Variants in RALGPS2 observed in about 807,000 individuals in gnomAD.
RALGPS2 encodes Ral GEF with PH domain and SH3 binding motif 2, also known as ras-specific guanine nucleotide-releasing factor RalGPS2.
In RALGPS2, 43 loss-of-function variants were observed where a neutral mutation model predicts 86.8. That is an observed-to-expected ratio of 0.50 (90% CI 0.39 to 0.64). The LOEUF is 0.64. Among genes scored for constraint, RALGPS2 ranks in the 30% least tolerant of loss-of-function variants. The probability of loss-of-function intolerance (pLI) is 0.00; values close to 1 mark genes in which losing one functional copy is unlikely to be tolerated. For missense variants in RALGPS2, 536 were observed against 694.6 expected (o/e 0.77, Z 2.57); for synonymous variants, 243 against 231.3 (o/e 1.05, Z -0.46).
intron 1 of RALGPS2, among the ~76,000 whole-genome samples, chr1:178,774,331 T>G (rs987182762): frequency 3.9e-5 from 6 of 152,204 alleles, no homozygotes; most frequent in African/African-American, 1.4e-4. Context: ...TTTACAAATA[T>G]TTTAATATTG....
At chr1:178,853,787 C>A in intron 8 of RALGPS2, 1 of 1,559,582 alleles carries the variant, frequency 6.4e-7, no homozygotes, top group East Asian at 2.3e-5. Context: ...TTTGAATGGT[C>A]CTATAATTTA....
intron 8 of RALGPS2, among the ~76,000 whole-genome samples, chr1:178,861,900 TCTCA>T (rs1252772308): frequency 6.6e-6 from 1 of 152,132 alleles, no homozygotes; most frequent in East Asian, 1.9e-4. Context: ...GTTGTTTGAG[TCTCA>T]CTCTGTTGCC....
rs943354795 is a variant in RALGPS2, at chr1:178,844,652, T to C, written c.607+11102T>C. 8.5e-5 allele frequency among the ~76,000 whole-genome samples: 13 copies of C among 152,190 alleles called. 1 individual carries two copies. The highest frequency in any genetic ancestry group is 8.5e-4 in the Admixed American group (13 of 15,274). Reference sequence around the variant, plus strand: ...AATTGCTTTATAAGAGAATTATTGCTTTTAAATCTGAAAGTCATTAACAAC... The same window carrying C: ...AATTGCTTTATAAGAGAATTATTGCCTTTAAATCTGAAAGTCATTAACAAC... On this transcript the variant is annotated intron_variant, in intron 8 of 19. Coordinates refer to ENST00000367635, the MANE Select transcript of RALGPS2 (RefSeq NM_152663.5).
chr1:178,787,170 A>C (rs1653695915), intron 4 of RALGPS2, among the ~76,000 whole-genome samples: 1 of 152,128 alleles, frequency 6.6e-6, no homozygotes, highest in Non-Finnish European at 1.5e-5. Flanking sequence ...AAATCAAAAA[A>C]ATGAAATTCT....
intron 8 of RALGPS2, among the ~76,000 whole-genome samples, chr1:178,845,541 T>C (rs1261289416): frequency 1.3e-5 from 2 of 152,208 alleles, no homozygotes; most frequent in East Asian, 3.8e-4. Flanking sequence ...AGTAGTCATA[T>C]AATAAATGTT....
At chr1:178,747,039 G>A (rs937044503) in intron 1 of RALGPS2, 3 of 880,440 alleles carry the variant, frequency 3.4e-6, no homozygotes, top group African/African-American at 1.6e-5. Flanking sequence ...TTATAGCCAT[G>A]TATGAGAATC....
chr1:178,780,717 G>T (rs1653350027), intron 2 of RALGPS2, among the ~76,000 whole-genome samples: 1 of 152,024 alleles, frequency 6.6e-6, no homozygotes, highest in African/African-American at 2.4e-5. Context: ...TTTCTAGCTG[G>T]AATTTTTCTT....
intron 4 of RALGPS2, among the ~76,000 whole-genome samples, chr1:178,807,656 TTGAC>T (rs1469030270): frequency 2.0e-5 from 3 of 152,192 alleles, no homozygotes; most frequent in South Asian, 2.1e-4. Context: ...TTTGGGGTAA[TTGAC>T]TGTTAGCTCA....
At chr1:178,775,091 T>G (rs1430625979) in intron 1 of RALGPS2, among the ~76,000 whole-genome samples, 6 of 152,206 alleles carry the variant, frequency 3.9e-5, no homozygotes, top group African/African-American at 1.4e-4. Context: ...GATAGTAACA[T>G]CTGCATCATC....
chr1:178,765,122 C>T (rs774431599), intron 1 of RALGPS2, among the ~76,000 whole-genome samples: 1 of 151,970 alleles, frequency 6.6e-6, no homozygotes, highest in Admixed American at 6.6e-5. Context: ...GCCGATTAAA[C>T]CACTTTTCTT....
rs577243093 is a variant in RALGPS2, at chr1:178,843,589, C to T, written c.607+10039C>T. ...TAGTGGGTGCAGTGCACCAACATGG[C>T]GCATGTATACATATGTAACAAACCT... is the stretch of plus-strand genomic sequence containing the variant. On this transcript the variant is annotated intron_variant, in intron 8 of 19. Transcript: ENST00000367635. Among the ~76,000 whole-genome samples the T allele has an allele frequency of 1.0e-4, 15 of 147,134 alleles. No homozygotes were observed. The South Asian group carries it at 3.0e-3, about 30-fold the overall frequency.
intron 8 of RALGPS2, chr1:178,871,199 AATAGGGG>A (rs1658735989): frequency 6.6e-6 from 1 of 151,908 alleles, no homozygotes; most frequent in Non-Finnish European, 1.5e-5. Flanking sequence ...TGTAGCCTTA[AATAGGGG>A]GGTGGGATCA....
At chr1:178,903,973 G>A (rs1660286591) in intron 18 of RALGPS2, among the ~76,000 whole-genome samples, 1 of 152,152 alleles carries the variant, frequency 6.6e-6, no homozygotes, top group Non-Finnish European at 1.5e-5. Flanking sequence ...CACCAGCAGT[G>A]TAGAAGTGTT....
At chr1:178,851,195 C>G in intron 8 of RALGPS2, 1 of 1,613,948 alleles carries the variant, frequency 6.2e-7, no homozygotes, top group Non-Finnish European at 8.5e-7. Flanking sequence ...TGTATTCGGC[C>G]CAGAAAATTC....
chr1:178,879,936 T>C (rs941015908), intron 10 of RALGPS2: 2 of 152,196 alleles, frequency 1.3e-5, no homozygotes, highest in Non-Finnish European at 2.9e-5. Flanking sequence ...TGATACAGTT[T>C]ACATCAAAAC....
chr1:178,803,208 TG>T (rs1409686697), intron 4 of RALGPS2, among the ~76,000 whole-genome samples: 2 of 152,172 alleles, frequency 1.3e-5, no homozygotes, highest in African/African-American at 4.8e-5. Context: ...TAATCAGAAA[TG>T]TCAGAAGAGG....
chr1:178,742,117 A>G (rs1225071165), intron 1 of RALGPS2, among the ~76,000 whole-genome samples: 1 of 148,842 alleles, frequency 6.7e-6, no homozygotes, highest in Non-Finnish European at 1.5e-5. Flanking sequence ...GCCTGGCAAC[A>G]GAGCAAGATT....
intron 1 of RALGPS2, among the ~76,000 whole-genome samples, chr1:178,771,040 T>C (rs1292357767): frequency 6.6e-6 from 1 of 151,832 alleles, no homozygotes; most frequent in Non-Finnish European, 1.5e-5. Context: ...GGTTTCACCA[T>C]GTTGGCCACG....
At chr1:178,824,554 A>C (rs760381276) in intron 7 of RALGPS2, among the ~76,000 whole-genome samples, 14 of 152,084 alleles carry the variant, frequency 9.2e-5, no homozygotes, top group Non-Finnish European at 1.3e-4. Flanking sequence ...CATGCCTGTA[A>C]CTCCAGCACT....
Sources: gnomAD v4.1 joint callset for allele counts (sites outside exome capture counted in the v4.1 genomes callset) on GRCh38, gnomAD v4.1.1 for gene constraint, MANE v1.5 for transcripts, NCBI Gene and HGNC (gene_info 2026-07-23, HGNC 2026-07-21) for gene names.